NXPE2: variants seen among roughly 807,000 people sequenced by gnomAD.
The protein encoded by NXPE2 is neurexophilin and PC-esterase domain family member 2.
In NXPE2, 34 loss-of-function variants were observed where a neutral mutation model predicts 34.4. The ratio of observed to expected loss-of-function variants is 0.99; its 90% CI spans 0.75 to 1.31. The LOEUF is 1.31. Ranked by LOEUF, NXPE2 falls within the 40% of genes most tolerant of loss-of-function variation. The pLI, the probability that NXPE2 is intolerant of heterozygous loss-of-function variation, is 0.00. For synonymous variants in NXPE2, 235 were observed against 231.3 expected (o/e 1.02, Z -0.15); for missense variants, 649 against 672.5 (o/e 0.97, Z 0.39).
At chr11:114,624,048 G>C in the NXPE2 span, among the ~76,000 whole-genome samples, 1 of 152,116 alleles carries the variant, frequency 6.6e-6, no homozygotes, top group South Asian at 2.1e-4. Flanking sequence ...GTTACCTGGT[G>C]GATAATGAGT....
chr11:114,600,809 G>T, the NXPE2 span, among the ~76,000 whole-genome samples: 110 of 152,150 alleles, frequency 7.2e-4, no homozygotes, highest in African/African-American at 2.6e-3. Context: ...GTTATTTACT[G>T]ATGCTGGCTG....
chr11:114,772,576 C>G, the NXPE2 span, among the ~76,000 whole-genome samples: 3 of 152,016 alleles, frequency 2.0e-5, no homozygotes, highest in Non-Finnish European at 4.4e-5. Flanking sequence ...CCATGTAGGA[C>G]TCAAATAGTG....
chr11:114,650,457 G>C, the NXPE2 span, among the ~76,000 whole-genome samples: 1 of 152,156 alleles, frequency 6.6e-6, no homozygotes, highest in Non-Finnish European at 1.5e-5. Context: ...ATTTGGTGCA[G>C]GCATGAAGGA....
chr11:114,629,288 G>A, the NXPE2 span, among the ~76,000 whole-genome samples: 28 of 145,290 alleles, frequency 1.9e-4, no homozygotes, highest in Admixed American at 1.2e-3. Flanking sequence ...ACTGGCAAAC[G>A]GAATCCAGCA....
chr11:114,701,623 A>C (rs1321397591), intron 3 of NXPE2, among the ~76,000 whole-genome samples: 2 of 152,206 alleles, frequency 1.3e-5, no homozygotes, highest in African/African-American at 4.8e-5. Context: ...TTACACATCC[A>C]AGAAGTCTCA....
chr11:114,484,954 T>C, the NXPE2 span, among the ~76,000 whole-genome samples: 1 of 152,212 alleles, frequency 6.6e-6, no homozygotes, highest in Non-Finnish European at 1.5e-5. Context: ...ATCACTTTGA[T>C]CCTTAGTGTC....
chr11:114,601,914 T>TATATATTATATTTATATATATTATATAA, the NXPE2 span, among the ~76,000 whole-genome samples: 11 of 39,786 alleles, frequency 2.8e-4, no homozygotes, highest in Non-Finnish European at 5.5e-4. Context: ...TATTATATAA[T>TATATATTATATTTATATATATTATATAA]TATATATAAT....
At chr11:114,629,653 G>A in the NXPE2 span, among the ~76,000 whole-genome samples, 1 of 152,042 alleles carries the variant, frequency 6.6e-6, no homozygotes, top group African/African-American at 2.4e-5. Context: ...TCATCAGAGT[G>A]TTGGAAGTTC....
At chr11:114,586,729 A>T in the NXPE2 span, among the ~76,000 whole-genome samples, 1 of 152,162 alleles carries the variant, frequency 6.6e-6, no homozygotes, top group Non-Finnish European at 1.5e-5. Context: ...CAACAGCCTG[A>T]TGGGTGATGG....
chr11:114,733,024 A>G, the NXPE2 span, among the ~76,000 whole-genome samples: 411 of 152,116 alleles, frequency 2.7e-3, no homozygotes, highest in African/African-American at 8.7e-3. Context: ...TCTTTTAACT[A>G]GTTTTTTAGT....
chr11:114,656,610 A>T, the NXPE2 span, among the ~76,000 whole-genome samples: 2 of 152,038 alleles, frequency 1.3e-5, no homozygotes, highest in East Asian at 3.9e-4. Context: ...TACTTAATAC[A>T]GTACTGATAA....
chr11:114,793,749 G>A, the NXPE2 span, among the ~76,000 whole-genome samples: 1 of 152,152 alleles, frequency 6.6e-6, no homozygotes, highest in African/African-American at 2.4e-5. Flanking sequence ...TTTGAAGAGA[G>A]AACTGAAGGA....
At chr11:114,776,937 GT>G in the NXPE2 span, among the ~76,000 whole-genome samples, 1 of 152,122 alleles carries the variant, frequency 6.6e-6, no homozygotes. Context: ...AAGTATTAAT[GT>G]CCCAATAACT....
chr11:114,641,978 C>T, the NXPE2 span, among the ~76,000 whole-genome samples: 1 of 151,916 alleles, frequency 6.6e-6, no homozygotes, highest in Non-Finnish European at 1.5e-5. Flanking sequence ...TATAACAACA[C>T]AATTGATGAG....
At chr11:114,571,527 G>T in the NXPE2 span, 1 of 1,422,542 alleles carries the variant, frequency 7.0e-7, no homozygotes, top group South Asian at 1.4e-5. Context: ...TACCAAGATT[G>T]AGTAGATATA....
the NXPE2 span, among the ~76,000 whole-genome samples, chr11:114,538,464 A>G: frequency 6.6e-6 from 1 of 152,200 alleles, no homozygotes; most frequent in Non-Finnish European, 1.5e-5. Flanking sequence ...CTGCACAGCA[A>G]AAGAAACCAC....
At chr11:114,739,327 C>A in the NXPE2 span, among the ~76,000 whole-genome samples, 3 of 55,566 alleles carry the variant, frequency 5.4e-5, no homozygotes, top group Non-Finnish European at 8.0e-5. Flanking sequence ...TTCCTTCCTT[C>A]CTTCCTTCCT....
chr11:114,533,776 A>G, the NXPE2 span, among the ~76,000 whole-genome samples: 3 of 152,252 alleles, frequency 2.0e-5, no homozygotes, highest in Non-Finnish European at 2.9e-5. Flanking sequence ...GTAGGTAAAC[A>G]AAGCGGCCGG....
chr11:114,674,101 A>G (rs1347740425), upstream of NXPE2, among the ~76,000 whole-genome samples: 2 of 77,608 alleles, frequency 2.6e-5, no homozygotes, highest in African/African-American at 9.9e-5. Flanking sequence ...AAACAAACAA[A>G]CAAACAAACA....
Sources: allele counts gnomAD v4.1 joint callset (sites outside exome capture counted in the v4.1 genomes callset), GRCh38; gene constraint gnomAD v4.1.1; transcripts MANE v1.5; gene names NCBI Gene and HGNC (gene_info 2026-07-23, HGNC 2026-07-21).